ABCC8: variants seen among roughly 807,000 people sequenced by gnomAD.
ABCC8 encodes ATP binding cassette subfamily C member 8, also known as ATP-binding cassette sub-family C member 8.
A neutral mutation model predicts 188.0 loss-of-function variants in ABCC8; 137 were observed. The observed-to-expected ratio is 0.73, with a 90% CI of 0.63 to 0.84. The LOEUF (loss-of-function observed/expected upper bound fraction) is 0.84, where lower values mean the gene tolerates loss of function less well. ABCC8 is among the 40% of genes least tolerant of loss of function. The pLI is 0.00. For synonymous variants in ABCC8, 797 were observed against 846.5 expected, an observed-to-expected ratio of 0.94 and a Z score of 1.01; for missense variants, 1,750 against 2,072.7, an observed-to-expected ratio of 0.84 and a Z score of 3.02.
intron 20 of ABCC8, 68 bp from the exon 21 acceptor site, chr11:17,412,814 G>A (rs563318223): frequency 2.6e-6 from 4 of 1,557,982 alleles, no homozygotes; most frequent in Non-Finnish European, 3.5e-6. Context: ...GTACCCTACT[G>A]GACTATGAGC....
chr11:17,453,898 C>G (rs1489077742), intron 6 of ABCC8, among the ~76,000 whole-genome samples: 1 of 152,150 alleles, frequency 6.6e-6, no homozygotes, highest in African/African-American at 2.4e-5. Context: ...GTACTTCCGG[C>G]AAGATCTCAG....
Position 17,430,714 on chromosome 11 carries a change from T to C in ABCC8, c.1817+100A>G. The C allele has an allele frequency of 6.5e-6, 9 of 1,381,068 alleles. No individual in the cohort carries two copies. In the South Asian group the frequency reaches 8.2e-5, roughly 13 times the overall value. 85.6% of individuals were successfully genotyped at this position (1,381,068 alleles called of 1,614,324 possible). On this transcript the variant is annotated intron_variant, in intron 12 of 38. Coordinates refer to ENST00000389817, the MANE Select transcript of ABCC8 (RefSeq NM_000352.6). ...GCAAGGCCCAGCAATGGGGGTGTGT[T>C]CCGGGACCAAACAGCTGTGGTTTGG...
chr11:17,405,336 C>T (rs1591739345), intron 27 of ABCC8, among the ~76,000 whole-genome samples, 158 bp downstream of exon 27: 1 of 152,348 alleles, frequency 6.6e-6, no homozygotes, highest in East Asian at 1.9e-4. Context: ...GAGGGAGGCC[C>T]CAGCCCTGAA....
chr11:17,459,007 C>A (rs371673716), intron 6 of ABCC8, among the ~76,000 whole-genome samples: 2 of 152,194 alleles, frequency 1.3e-5, no homozygotes, highest in African/African-American at 4.8e-5. Flanking sequence ...TAATAATAGT[C>A]AATTTAGCTT....
rs971604271 is a variant in ABCC8, at chr11:17,395,207, A to C, written c.4376T>G (p.Leu1459Arg). 1.3e-6 allele frequency: 2 copies of C among 1,593,960 alleles called. No individual in the cohort carries two copies. The highest frequency in any genetic ancestry group is 1.7e-6 in the Non-Finnish European group (2 of 1,168,812). Reference sequence around the variant, plus strand: ...TGGCAGTGCCTTCACCACCAGCTTCAGCTGGGCGATTTCCAGGGCCTCCCA... The same window carrying C: ...TGGCAGTGCCTTCACCACCAGCTTCCGCTGGGCGATTTCCAGGGCCTCCCA... ...TLWEALEIAQ[L>R]KLVVKALPGG... Residue 1459 changes from leucine to arginine, a missense_variant, in exon 36 of 39, where the codon CTG (leucine) becomes CGG (arginine). By Grantham distance (102) the Leu-to-Arg change is moderately radical. Transcript: ENST00000389817.
chr11:17,439,256 A>G (rs1250938968), intron 10 of ABCC8, among the ~76,000 whole-genome samples: 1 of 152,080 alleles, frequency 6.6e-6, no homozygotes, highest in African/African-American at 2.4e-5. Flanking sequence ...TTTATCCTGT[A>G]CCAGTTCGGG....
chr11:17,476,244 T>C (rs544689659), intron 1 of ABCC8, among the ~76,000 whole-genome samples: 15 of 152,288 alleles, frequency 9.8e-5, no homozygotes, highest in African/African-American at 2.9e-4. Flanking sequence ...GGAGGCTGCC[T>C]TGCGGGAGGG....
intron 2 of ABCC8, among the ~76,000 whole-genome samples, chr11:17,474,004 C>T (rs1312546973): frequency 6.6e-6 from 1 of 152,166 alleles, no homozygotes; most frequent in African/African-American, 2.4e-5. Flanking sequence ...ACCTGCTTTT[C>T]TCTTTGGTGC....
chr11:17,443,003 T>C, intron 9 of ABCC8, 121 bp from the exon 10 acceptor site: 1 of 1,543,614 alleles, frequency 6.5e-7, no homozygotes. Context: ...GGAGGCAGCC[T>C]CCTCCCCCAT....
intron 1 of ABCC8, 122 bp from the exon 2 acceptor site, chr11:17,475,149 A>G: frequency 4.1e-6 from 6 of 1,448,166 alleles, no homozygotes; most frequent in Non-Finnish European, 5.7e-6. Context: ...ACACATGAGG[A>G]TCCCCAAGGC....
intron 10 of ABCC8, chr11:17,435,665 C>G: frequency 7.1e-7 from 1 of 1,406,900 alleles, no homozygotes; most frequent in Non-Finnish European, 1.0e-6. Context: ...CTGGGAACCT[C>G]TGTTCTTCAC....
intron 6 of ABCC8, among the ~76,000 whole-genome samples, chr11:17,454,648 G>A (rs1375962170): frequency 6.6e-6 from 1 of 152,092 alleles, no homozygotes; most frequent in Non-Finnish European, 1.5e-5. Flanking sequence ...ATATTTATCA[G>A]GTGCAAAACT....
chr11:17,476,643 G>C lies in ABCC8; in HGVS notation c.134C>G (p.Pro45Arg). The C allele has an allele frequency of 1.2e-6, 2 of 1,612,246 alleles. No individual in the cohort carries two copies. Among genetic ancestry groups the C allele is most frequent in the South Asian group, 1.1e-5 (1 of 90,838 alleles). ...PHVFLLFITF[P>R]ILFIGWGSQS... ...CGCGCACTCACCAATGAAGAGGATG[G>C]GGAAGGTGATGAAGAGTAGGAAGAC... The change falls in exon 1 of 39, where the codon CCC becomes CGC. Residue 45 changes from proline to arginine, a missense_variant. Coordinates refer to ENST00000389817, the MANE Select transcript of ABCC8 (RefSeq NM_000352.6).
At chr11:17,425,054 C>T (rs1955519843) in intron 16 of ABCC8, among the ~76,000 whole-genome samples, 1 of 152,204 alleles carries the variant, frequency 6.6e-6, no homozygotes, top group African/African-American at 2.4e-5. Flanking sequence ...TGCAGGCATG[C>T]AGTTGGACAG....
At chr11:17,458,003 T>C (rs1398284006) in intron 6 of ABCC8, among the ~76,000 whole-genome samples, 4 of 152,186 alleles carry the variant, frequency 2.6e-5, no homozygotes, top group Non-Finnish European at 5.9e-5. Flanking sequence ...TTAGAATGGC[T>C]TGGGGGCTGG....
chr11:17,418,434 G>A (rs1188035068), intron 16 of ABCC8, among the ~76,000 whole-genome samples: 1 of 152,048 alleles, frequency 6.6e-6, no homozygotes, highest in Non-Finnish European at 1.5e-5. Flanking sequence ...TAATCTTCGT[G>A]GTCTCATTTC....
intron 21 of ABCC8, 39 bp from the exon 22 acceptor site, chr11:17,410,692 AAGGC>A: frequency 6.2e-7 from 1 of 1,613,534 alleles, no homozygotes; most frequent in South Asian, 1.1e-5. Flanking sequence ...AGGGTAGGGA[AAGGC>A]ATGGTGGGGA....
intron 16 of ABCC8, among the ~76,000 whole-genome samples, chr11:17,425,077 C>T (rs1316944198): frequency 1.3e-5 from 2 of 152,202 alleles, no homozygotes; most frequent in East Asian, 1.9e-4. Flanking sequence ...GAAAAGGGCT[C>T]CTCCCTCCAA....
At chr11:17,464,031 A>G (rs926496051) in intron 3 of ABCC8, among the ~76,000 whole-genome samples, 2 of 152,240 alleles carry the variant, frequency 1.3e-5, no homozygotes, top group African/African-American at 4.8e-5. Context: ...TGAGGCTCAG[A>G]AAGGTTAGGT....
Sources: allele counts gnomAD v4.1 joint callset (sites outside exome capture counted in the v4.1 genomes callset), GRCh38; gene constraint gnomAD v4.1.1; transcripts MANE v1.5; gene names NCBI Gene and HGNC (gene_info 2026-07-23, HGNC 2026-07-21).